CELF2: variants seen among roughly 807,000 people sequenced by gnomAD.
CELF2 encodes the protein CUG triplet repeat RNA-binding protein 2.
Under a neutral mutation model 62.6 loss-of-function variants are expected in CELF2, and 8 were observed. The observed-to-expected ratio is 0.13, with a 90% CI of 0.07 to 0.23. The LOEUF is 0.23. Ranked by LOEUF, CELF2 falls within the 10% of genes least tolerant of loss-of-function variation. The pLI is 1.00. For synonymous variants in CELF2, 258 were observed against 250.0 expected, an observed-to-expected ratio of 1.03 and a Z score of -0.30; for missense variants, 333 against 671.0, an observed-to-expected ratio of 0.50 and a Z score of 5.56.
At chr10:11,265,853 G>A (rs368196726) in intron 5 of CELF2, among the ~76,000 whole-genome samples, 9 of 152,308 alleles carry the variant, frequency 5.9e-5, no homozygotes, top group East Asian at 5.8e-4. Flanking sequence ...TCTTTGATAC[G>A]TTTCAGAAAT....
At chr10:10,985,039 G>T (rs1036888623) in intron 2 of CELF2, among the ~76,000 whole-genome samples, 1 of 152,028 alleles carries the variant, frequency 6.6e-6, no homozygotes, top group Non-Finnish European at 1.5e-5. Context: ...AAAATATGTT[G>T]CCCCAACTTC....
chr10:10,856,583 T>G (rs1322562481), intron 1 of CELF2, among the ~76,000 whole-genome samples: 1 of 152,174 alleles, frequency 6.6e-6, no homozygotes, highest in African/African-American at 2.4e-5. Context: ...TTGCATAATA[T>G]TTTTTACTTT....
At chr10:10,913,379 CTTTTTTTTTTTTTTTT>C (rs34163796) in intron 1 of CELF2, among the ~76,000 whole-genome samples, 1 of 57,360 alleles carries the variant, frequency 1.7e-5, no homozygotes, top group East Asian at 6.2e-4. Context: ...GTAATGATGT[CTTTTTTTTTTTTTTTT>C]TTTTTTTTTT....
At chr10:11,080,345 T>C (rs915197980) in intron 1 of CELF2, among the ~76,000 whole-genome samples, 1 of 152,186 alleles carries the variant, frequency 6.6e-6, no homozygotes, top group African/African-American at 2.4e-5. Context: ...AAGCACCTAG[T>C]TCCTGGACCA....
chr10:10,732,123 G>A, the CELF2 span, among the ~76,000 whole-genome samples: 1 of 152,170 alleles, frequency 6.6e-6, no homozygotes, highest in Non-Finnish European at 1.5e-5. Flanking sequence ...CAGCACCAAA[G>A]AAGCTACTAG....
chr10:11,150,675 C>T (rs942067609), intron 1 of CELF2, among the ~76,000 whole-genome samples: 1 of 152,242 alleles, frequency 6.6e-6, no homozygotes, highest in East Asian at 1.9e-4. Context: ...ACCTGGGCAG[C>T]CATTTGTTTT....
In CELF2 at chr10:11,083,421, G is replaced by A. The variant is rs141140494; in HGVS notation, c.74+65258G>A. ...ACAGGGACGGGAAGAGGCCACAACC[G>A]ACTGGCCTAGGAGTAGCGTGATGAT... On this transcript the variant is annotated intron_variant, in intron 1 of 12. Transcript: ENST00000633077. Among the ~76,000 whole-genome samples the A allele has an allele frequency of 1.3e-3, 197 of 152,272 alleles. 1 individual carries two copies. Among genetic ancestry groups the A allele is most frequent in the African/African-American group, 4.3e-3 (180 of 41,572 alleles).
rs566326360 is a variant in CELF2, at chr10:11,104,784, C to T, written c.75-60702C>T. On this transcript the variant is annotated intron_variant, in intron 1 of 12. Coordinates refer to ENST00000633077, the MANE Select transcript of CELF2 (RefSeq NM_001326342.2). ...AGATACAATTCATTTTCTAATAATG[C>T]TCTTTGGAGTTGATAAGAATAGGAA... is the stretch of plus-strand genomic sequence containing the variant. 9.2e-5 allele frequency among the ~76,000 whole-genome samples: 14 copies of T among 152,274 alleles called. 1 individual carries two copies. The South Asian group carries it at 2.1e-3, about 23-fold the overall frequency.
At chr10:10,594,197 T>A in the CELF2 span, among the ~76,000 whole-genome samples, 1 of 152,192 alleles carries the variant, frequency 6.6e-6, no homozygotes, top group Non-Finnish European at 1.5e-5. Flanking sequence ...TACGTGGAAC[T>A]AAGAACAAAA....
the CELF2 span, among the ~76,000 whole-genome samples, chr10:10,508,685 TG>T: frequency 6.3e-5 from 5 of 79,882 alleles, no homozygotes; most frequent in East Asian, 6.3e-3. Flanking sequence ...TGTGTGTGTG[TG>T]TGTGTGTGTG....
chr10:10,487,888 A>G, the CELF2 span, among the ~76,000 whole-genome samples: 1 of 152,162 alleles, frequency 6.6e-6, no homozygotes, highest in African/African-American at 2.4e-5. Context: ...AGTTAGTAGT[A>G]TTTGTAATCC....
rs58567770 is a variant in CELF2 at position 11,148,843 on chromosome 10, A to AACACACACACACACACACACACAC, written c.75-16635_75-16612dup. Among the ~76,000 whole-genome samples the AACACACACACACACACACACACAC allele has an allele frequency of 2.5e-3, 365 of 146,884 alleles. 3 individuals carry two copies. The highest frequency in any genetic ancestry group is 5.9e-3 in the African/African-American group (232 of 39,590). ...TGTTATCGATTATTATCTTAAACCAAACACACACACACACACACACACACA... is the reference window on the plus strand; with the variant it reads ...TGTTATCGATTATTATCTTAAACCAAACACACACACACACACACACACACACACACACACACACACACACACACA... On this transcript the variant is annotated intron_variant, in intron 1 of 12. Coordinates refer to ENST00000633077, the MANE Select transcript of CELF2 (RefSeq NM_001326342.2).
At chr10:10,962,441 A>G (rs1177055861) in intron 2 of CELF2, among the ~76,000 whole-genome samples, 1 of 152,010 alleles carries the variant, frequency 6.6e-6, no homozygotes, top group Non-Finnish European at 1.5e-5. Context: ...TTTCCTCTTC[A>G]GCTAGGCATA....
In CELF2 at chr10:11,211,321, T is replaced by C. The variant is rs554300510; in HGVS notation, c.272-6104T>C. On this transcript the variant is annotated intron_variant, in intron 2 of 12. Transcript: ENST00000633077. The surrounding 1 kb of genome is among the most constrained non-coding windows in gnomAD (Gnocchi z 4.8). ...TTGTCCATATATTAGAGTCAAGGAA[T>C]TTAAAGAAAACCGCCTTTTTAAAAC... is the stretch of plus-strand genomic sequence containing the variant. 6.6e-6 allele frequency among the ~76,000 whole-genome samples: 1 copy of C among 152,352 alleles called. No homozygotes were observed. The highest frequency in any genetic ancestry group is 2.1e-4 in the South Asian group (1 of 4,828).
intron 1 of CELF2, among the ~76,000 whole-genome samples, chr10:11,094,264 G>T: frequency 6.6e-6 from 1 of 152,234 alleles, no homozygotes; most frequent in Non-Finnish European, 1.5e-5. Flanking sequence ...TTATTTTAGA[G>T]CCATAAGAAT....
At chr10:11,261,368 C>G (rs1250786133) in intron 5 of CELF2, among the ~76,000 whole-genome samples, 2 of 152,050 alleles carry the variant, frequency 1.3e-5, no homozygotes, top group East Asian at 1.9e-4. Context: ...CTGCCCTGAC[C>G]CACAGCTGTA....
rs774772762 is a variant in CELF2 at position 11,296,992 on chromosome 10, G to A, written c.976+8440G>A. On this transcript the variant is annotated intron_variant, in intron 9 of 12. Transcript: ENST00000633077. This position sits in a 1 kb window ranked among gnomAD's most constrained non-coding sequence, Gnocchi z 5.0. ...CTGAGAGCCGGGGCTCAGGAGCTGG[G>A]ACTTTTCCTGTCAGCAGTGAAGAGC... Among the ~76,000 whole-genome samples the A allele has an allele frequency of 6.6e-6, 1 of 152,220 alleles. No individual in the cohort carries two copies. Among genetic ancestry groups the A allele is most frequent in the Non-Finnish European group, 1.5e-5 (1 of 68,032 alleles).
chr10:10,480,897 C>T, the CELF2 span, among the ~76,000 whole-genome samples: 1 of 152,116 alleles, frequency 6.6e-6, no homozygotes, highest in Non-Finnish European at 1.5e-5. Context: ...ACTGCAGTAT[C>T]ATTCACATGA....
rs1348008214 is a variant in CELF2, at chr10:10,936,268, A to G, written c.89+16269A>G. 6.6e-6 allele frequency among the ~76,000 whole-genome samples: 1 copy of G among 152,234 alleles called. No individual in the cohort carries two copies. The highest frequency in any genetic ancestry group is 1.9e-4 in the East Asian group (1 of 5,204). On this transcript the variant is annotated intron_variant, in intron 2 of 13. Transcript: ENST00000636488. This position sits in a 1 kb window ranked among gnomAD's most constrained non-coding sequence, Gnocchi z 4.0. ...AATGGTTACTTTGAATGGAGCAATA[A>G]TCACATTTTAACATAAAGATTGTCC...
Sources: gnomAD v4.1 joint callset for allele counts (sites outside exome capture counted in the v4.1 genomes callset) on GRCh38, gnomAD v4.1.1 for gene constraint, Gnocchi (gnomAD v3.1) non-coding constraint, MANE v1.5 for transcripts, NCBI Gene and HGNC (gene_info 2026-07-23, HGNC 2026-07-21) for gene names.